Variants in TMEM165 observed in about 807,000 individuals in gnomAD.
The protein encoded by TMEM165 is transmembrane protein 165.
A neutral mutation model predicts 30.0 loss-of-function variants in TMEM165; 19 were observed. The observed-to-expected ratio is 0.63, with a 90% confidence interval of 0.44 to 0.93. TMEM165 has a LOEUF of 0.93. Among genes scored for constraint, TMEM165 ranks in the 40% least tolerant of loss-of-function variants. The pLI is 0.00. For synonymous variants in TMEM165, 168 were observed against 162.9 expected (o/e 1.03, Z -0.24); for missense variants, 340 against 417.0 (o/e 0.82, Z 1.61).
At chr4:55,446,569 G>A (rs1183883902) in intron 3 of TMEM165, among the ~76,000 whole-genome samples, 1 of 152,066 alleles carries the variant, frequency 6.6e-6, no homozygotes, top group Non-Finnish European at 1.5e-5. Context: ...TAGAACATGG[G>A]CTTTTAAAGA....
At chr4:55,438,467 G>A in intron 3 of TMEM165, 1 of 1,613,822 alleles carries the variant, frequency 6.2e-7, no homozygotes, top group Admixed American at 1.7e-5. Context: ...ATAGTACTAG[G>A]TACCATGACT....
At chr4:55,403,070 A>C (rs931903120) in intron 1 of TMEM165, among the ~76,000 whole-genome samples, 120 of 152,178 alleles carry the variant, frequency 7.9e-4, no homozygotes, top group African/African-American at 2.6e-3. Flanking sequence ...GATTACAGGC[A>C]TGAGCCACCA....
intron 2 of TMEM165, among the ~76,000 whole-genome samples, chr4:55,414,793 C>T (rs1419230310): frequency 6.6e-6 from 1 of 152,160 alleles, no homozygotes; most frequent in Non-Finnish European, 1.5e-5. Flanking sequence ...CCCTCCACCC[C>T]AGGAATGGGC....
In TMEM165 at chr4:55,425,365, C is replaced by G. The variant is rs117175578; in HGVS notation, c.899-11C>G. Reference sequence around the variant, plus strand: ...TTTTACTGTATTTGACTTTTTTTCTCTCTCTTCCAGTGACAATCATAGGAG... The same window carrying G: ...TTTTACTGTATTTGACTTTTTTTCTGTCTCTTCCAGTGACAATCATAGGAG... On this transcript the variant is annotated splice_polypyrimidine_tract_variant and intron_variant, in intron 5 of 5. Transcript: ENST00000381334. 58 of 1,611,390 alleles carry G rather than the reference C, an allele frequency of 3.6e-5. No individual in the cohort carries two copies. The East Asian group carries it at 1.2e-3, about 33-fold the overall frequency.
Position 55,409,952 on chromosome 4 carries a change from TACCCCG to T in TMEM165, c.208-1661_208-1656del, listed in dbSNP as rs764684539. Among the ~76,000 whole-genome samples, 107 of 152,332 alleles carry T rather than the reference TACCCCG, an allele frequency of 7.0e-4. 1 individual carries two copies. The highest frequency in any genetic ancestry group is 1.2e-3 in the Non-Finnish European group (83 of 68,022). ...AACTTTCCCAATTATTGGAACATGA[TACCCCG>T]TCCTTCCTGGTCCCTCACGGGATTG... On this transcript the variant is annotated intron_variant, in intron 1 of 5. Coordinates refer to ENST00000381334, the MANE Select transcript of TMEM165 (RefSeq NM_018475.5).
intron 3 of TMEM165, among the ~76,000 whole-genome samples, chr4:55,447,077 A>G (rs28376882): frequency 0.016 from 2,355 of 151,532 alleles, 65 homozygotes; most frequent in African/African-American, 0.055. Context: ...TCAAAATGTT[A>G]TAATTATGGC....
downstream of TMEM165, among the ~76,000 whole-genome samples, chr4:55,426,358 G>A (rs1722199841): frequency 6.6e-6 from 1 of 152,040 alleles, no homozygotes; most frequent in South Asian, 2.1e-4. Context: ...ACTAATATAA[G>A]GTTAAAAAAG....
At chr4:55,424,718 T>G in intron 5 of TMEM165, 75 bp downstream of exon 5, 2 of 997,492 alleles carry the variant, frequency 2.0e-6, no homozygotes, top group Non-Finnish European at 3.1e-6. Context: ...CTTTGATTAT[T>G]TAAATTTCTG....
intron 4 of TMEM165, among the ~76,000 whole-genome samples, chr4:55,419,129 C>T (rs911633848): frequency 6.6e-6 from 1 of 152,028 alleles, no homozygotes; most frequent in African/African-American, 2.4e-5. Context: ...GCTTATCTAT[C>T]GTTGCGTACT....
chr4:55,398,066 C>T (rs1012939936), intron 1 of TMEM165, among the ~76,000 whole-genome samples: 2 of 152,188 alleles, frequency 1.3e-5, no homozygotes, highest in African/African-American at 4.8e-5. Flanking sequence ...TTACATGTTA[C>T]TTTCTTAGGC....
chr4:55,420,625 T>C (rs1034641946), intron 4 of TMEM165, among the ~76,000 whole-genome samples: 11 of 152,302 alleles, frequency 7.2e-5, no homozygotes, highest in African/African-American at 2.6e-4. Flanking sequence ...TAATGAGCTC[T>C]TAAATGGCAG....
intron 1 of TMEM165, chr4:55,403,347 A>G (rs1407645615): frequency 1.6e-6 from 2 of 1,232,562 alleles, no homozygotes; most frequent in African/African-American, 1.7e-5. Flanking sequence ...AGGTATCTGT[A>G]TCAATTTCAA....
chr4:55,435,866 C>T (rs1037215344), intron 3 of TMEM165, among the ~76,000 whole-genome samples: 3 of 152,212 alleles, frequency 2.0e-5, no homozygotes, highest in African/African-American at 7.2e-5. Flanking sequence ...AGCCAAATCA[C>T]ACACGTTCTT....
chr4:55,447,376 A>ATT, intron 3 of TMEM165, among the ~76,000 whole-genome samples: 1 of 151,080 alleles, frequency 6.6e-6, no homozygotes, highest in African/African-American at 2.4e-5. Context: ...AAAAAAATTA[A>ATT]AAAGTTACAT....
chr4:55,419,839 A>G (rs1230297021), intron 4 of TMEM165, among the ~76,000 whole-genome samples: 3 of 151,942 alleles, frequency 2.0e-5, no homozygotes, highest in Non-Finnish European at 4.4e-5. Flanking sequence ...GGGAAAGGCT[A>G]TTTTGTCAGG....
Position 55,422,110 on chromosome 4 carries a change from C to T in TMEM165, c.793-2428C>T, listed in dbSNP as rs1289146718. 2.6e-5 allele frequency among the ~76,000 whole-genome samples: 4 copies of T among 152,150 alleles called. No individual in the cohort carries two copies. In the East Asian group the frequency reaches 7.7e-4, roughly 29 times the overall value. ...GAGCTCCCTGTGGCCTTGCATGATG[C>T]CTCCGTTGGTCCTTACAGGAGGTGA... On this transcript the variant is annotated intron_variant, in intron 4 of 5. Transcript: ENST00000381334.
chr4:55,440,601 A>C (rs1313608160), intron 3 of TMEM165, among the ~76,000 whole-genome samples: 1 of 152,240 alleles, frequency 6.6e-6, no homozygotes, highest in Non-Finnish European at 1.5e-5. Flanking sequence ...AACAAAAAAG[A>C]ATTAAAATTG....
chr4:55,441,679 A>G (rs998601782), intron 3 of TMEM165, among the ~76,000 whole-genome samples: 1 of 152,214 alleles, frequency 6.6e-6, no homozygotes, highest in African/African-American at 2.4e-5. Flanking sequence ...GAGCTAAGCT[A>G]TGGGTACAGC....
rs375376878 is a variant in TMEM165, at chr4:55,397,635, C to T, written c.207+1239C>T. On this transcript the variant is annotated intron_variant, in intron 1 of 5. Transcript: ENST00000381334. The stretch of plus-strand genomic sequence containing the variant: ...TTTATCTGACCCTTTCCTTTCCTTT[C>T]CTTTCCTCTCCTTTCTCCTTTTTCC... 2.2e-4 allele frequency among the ~76,000 whole-genome samples: 34 copies of T among 152,026 alleles called. 1 individual carries two copies. In the East Asian group the frequency reaches 5.6e-3, roughly 25 times the overall value.
Sources: gnomAD v4.1 joint callset for allele counts (sites outside exome capture counted in the v4.1 genomes callset) on GRCh38, gnomAD v4.1.1 for gene constraint, MANE v1.5 for transcripts, NCBI Gene and HGNC (gene_info 2026-07-23, HGNC 2026-07-21) for gene names.